CA10: variants seen among roughly 807,000 people sequenced by gnomAD.
CA10 encodes the protein carbonic anhydrase 10 (inactive).
CA10 carries 14 observed loss-of-function variants against 44.2 expected under a neutral mutation model. That is an observed-to-expected ratio of 0.32 (90% CI 0.21 to 0.50). The LOEUF (loss-of-function observed/expected upper bound fraction) is 0.50, where lower values mean the gene tolerates loss of function less well. Among genes scored for constraint, CA10 ranks in the 20% least tolerant of loss-of-function variants. The probability of loss-of-function intolerance (pLI) is 0.99; values close to 1 mark genes in which losing one functional copy is unlikely to be tolerated. For synonymous variants in CA10, 159 were observed against 141.6 expected, an observed-to-expected ratio of 1.12 and a Z score of -0.87; for missense variants, 350 against 409.7, an observed-to-expected ratio of 0.85 and a Z score of 1.26.
chr17:51,751,918 A>T (rs756690273), intron 3 of CA10, among the ~76,000 whole-genome samples: 47 of 152,174 alleles, frequency 3.1e-4, no homozygotes, highest in Non-Finnish European at 5.4e-4. Context: ...TGCACCTAAC[A>T]GTGTGCTAGG....
intron 3 of CA10, among the ~76,000 whole-genome samples, chr17:51,770,594 T>C (rs60962150): frequency 0.031 from 4,793 of 152,274 alleles, 279 homozygotes; most frequent in African/African-American, 0.11. Context: ...ATTAGGCTGT[T>C]CTTGCATTGC....
At chr17:51,852,608 A>T (rs1031894526) in intron 3 of CA10, among the ~76,000 whole-genome samples, 1 of 152,216 alleles carries the variant, frequency 6.6e-6, no homozygotes, top group Non-Finnish European at 1.5e-5. Context: ...TAAATGTCCT[A>T]TGCTGAGTTA....
At chr17:52,011,515 A>G (rs566023676) in intron 2 of CA10, among the ~76,000 whole-genome samples, 1 of 152,216 alleles carries the variant, frequency 6.6e-6, no homozygotes, top group East Asian at 1.9e-4. Context: ...TTGTTCAATT[A>G]TATTAACCAA....
At chr17:51,840,588 ACT>A (rs1978311849) in intron 3 of CA10, among the ~76,000 whole-genome samples, 1 of 151,338 alleles carries the variant, frequency 6.6e-6, no homozygotes, top group Admixed American at 6.6e-5. Context: ...AGAAATTAAG[ACT>A]CTTTCCTGTG....
At chr17:51,878,019 A>G (rs1246373018) in intron 3 of CA10, among the ~76,000 whole-genome samples, 2 of 151,362 alleles carry the variant, frequency 1.3e-5, no homozygotes, top group African/African-American at 4.9e-5. Flanking sequence ...TGGCACACGT[A>G]TGTAGTCCCA....
chr17:51,901,931 G>A (rs1212704571), intron 3 of CA10, among the ~76,000 whole-genome samples: 1 of 152,044 alleles, frequency 6.6e-6, no homozygotes, highest in Non-Finnish European at 1.5e-5. Context: ...AATGGAAAAA[G>A]CAAGACAGAA....
At chr17:52,118,018 CACA>C (rs1234191235) in intron 1 of CA10, among the ~76,000 whole-genome samples, 8 of 152,048 alleles carry the variant, frequency 5.3e-5, no homozygotes, top group Non-Finnish European at 1.0e-4. Context: ...GAAGTAAAAG[CACA>C]ACAAGGTTTT....
intron 3 of CA10, among the ~76,000 whole-genome samples, chr17:51,838,712 C>A (rs1388469234): frequency 3.9e-5 from 6 of 152,234 alleles, no homozygotes; most frequent in Non-Finnish European, 5.9e-5. Flanking sequence ...GCAAATATCT[C>A]TATATACATA....
intron 3 of CA10, among the ~76,000 whole-genome samples, chr17:51,920,457 G>A (rs1598118285): frequency 6.6e-6 from 1 of 152,096 alleles, no homozygotes; most frequent in East Asian, 1.9e-4. Context: ...ATGAGAAGAA[G>A]TATAGAGAAA....
chr17:51,635,074 G>A (rs1912763875), intron 7 of CA10, among the ~76,000 whole-genome samples: 1 of 152,152 alleles, frequency 6.6e-6, no homozygotes, highest in African/African-American at 2.4e-5. Flanking sequence ...CTCAGAATGT[G>A]ACCTTATTTG....
intron 1 of CA10, among the ~76,000 whole-genome samples, chr17:52,072,948 C>T (rs556043471): frequency 6.6e-6 from 1 of 152,160 alleles, no homozygotes; most frequent in African/African-American, 2.4e-5. Context: ...GCAGAGGGCT[C>T]AAGATATTGG....
chr17:51,919,513 T>G (rs1480274957), intron 3 of CA10, among the ~76,000 whole-genome samples: 4 of 152,216 alleles, frequency 2.6e-5, no homozygotes, highest in Non-Finnish European at 4.4e-5. Flanking sequence ...AGCTCATGTT[T>G]TTTTCTTTTC....
At chr17:51,799,756 A>C (rs1441044277) in intron 3 of CA10, among the ~76,000 whole-genome samples, 1 of 152,236 alleles carries the variant, frequency 6.6e-6, no homozygotes, top group Non-Finnish European at 1.5e-5. Flanking sequence ...TAGGCACATA[A>C]AAAGAATGGT....
At chr17:51,962,712 A>G (rs1983937971) in intron 2 of CA10, among the ~76,000 whole-genome samples, 1 of 152,214 alleles carries the variant, frequency 6.6e-6, no homozygotes, top group Admixed American at 6.5e-5. Context: ...GTGGGGGGAA[A>G]GAGAAAGGGA....
At chr17:51,876,397 G>A (rs1439368280) in intron 3 of CA10, among the ~76,000 whole-genome samples, 1 of 146,002 alleles carries the variant, frequency 6.8e-6, no homozygotes, top group Non-Finnish European at 1.5e-5. Context: ...TGCCCAGGCT[G>A]GTCTCAAACT....
At chr17:51,793,383 C>T (rs968582938) in intron 3 of CA10, among the ~76,000 whole-genome samples, 1 of 152,118 alleles carries the variant, frequency 6.6e-6, no homozygotes, top group Admixed American at 6.5e-5. Flanking sequence ...ATTTGCTTGC[C>T]CCTATCAGTT....
At chr17:52,075,860 T>A (rs1987804937) in intron 1 of CA10, among the ~76,000 whole-genome samples, 1 of 152,196 alleles carries the variant, frequency 6.6e-6, no homozygotes, top group African/African-American at 2.4e-5. Context: ...GATACATCTT[T>A]CCCCATCTAT....
At chr17:52,113,451 A>G (rs1988829139) in intron 1 of CA10, among the ~76,000 whole-genome samples, 1 of 152,158 alleles carries the variant, frequency 6.6e-6, no homozygotes, top group African/African-American at 2.4e-5. Context: ...TGCCCTGGGC[A>G]CCATGGAGAA....
intron 2 of CA10, among the ~76,000 whole-genome samples, chr17:51,968,987 T>C (rs930152689): frequency 7.2e-5 from 11 of 152,048 alleles, no homozygotes; most frequent in Non-Finnish European, 1.5e-4. Context: ...CTTCGTCTAA[T>C]AGACATTGCT....
Sources: allele counts gnomAD v4.1 joint callset (sites outside exome capture counted in the v4.1 genomes callset), GRCh38; gene constraint gnomAD v4.1.1; transcripts MANE v1.5; gene names NCBI Gene and HGNC (gene_info 2026-07-23, HGNC 2026-07-21).